ROR2: variants seen among roughly 807,000 people sequenced by gnomAD.
The protein encoded by ROR2 is tyrosine-protein kinase transmembrane receptor ROR2.
In ROR2, 33 loss-of-function variants were observed where a neutral mutation model predicts 74.9. The ratio of observed to expected loss-of-function variants is 0.44; its 90% CI spans 0.33 to 0.59. The LOEUF is 0.59. ROR2 is among the 20% of genes least tolerant of loss of function. The pLI is 0.02. For synonymous variants in ROR2, 586 were observed against 558.7 expected, an observed-to-expected ratio of 1.05 and a Z score of -0.69; for missense variants, 1,216 against 1,313.8, an observed-to-expected ratio of 0.93 and a Z score of 1.15.
Position 91,871,511 on chromosome 9 carries a change from G to A in ROR2, c.97+78356C>T, listed in dbSNP as rs76986920. Among the ~76,000 whole-genome samples the A allele has an allele frequency of 9.6e-3, 1,462 of 152,222 alleles. 27 individuals are homozygous for A. The highest frequency in any genetic ancestry group is 0.032 in the African/African-American group (1,336 of 41,516). ...TTCAATTTCCATTTTAAATTCTTGCGACAGGTTGTATTTTCCAAAGAAGGC... is the reference window on the plus strand; with the variant it reads ...TTCAATTTCCATTTTAAATTCTTGCAACAGGTTGTATTTTCCAAAGAAGGC... On this transcript the variant is annotated intron_variant, in intron 1 of 8. Transcript: ENST00000375708.
chr9:91,853,460 A>G (rs984149275), intron 1 of ROR2, among the ~76,000 whole-genome samples: 5 of 152,130 alleles, frequency 3.3e-5, no homozygotes, highest in African/African-American at 7.2e-5. Context: ...GCCTTTGCAG[A>G]CACAGTACTG....
At chr9:91,848,597 A>G (rs1348435823) in intron 1 of ROR2, among the ~76,000 whole-genome samples, 1 of 152,082 alleles carries the variant, frequency 6.6e-6, no homozygotes, top group African/African-American at 2.4e-5. Flanking sequence ...ACTACTAAAA[A>G]TACAAAATTA....
chr9:91,901,815 A>AG (rs1830684776), intron 1 of ROR2, among the ~76,000 whole-genome samples: 1 of 143,272 alleles, frequency 7.0e-6, no homozygotes, highest in Non-Finnish European at 1.5e-5. Flanking sequence ...AAAAAAAAAA[A>AG]GAGTGCTCTG....
chr9:91,747,357 A>G (rs1409874738), intron 4 of ROR2, among the ~76,000 whole-genome samples: 1 of 152,228 alleles, frequency 6.6e-6, no homozygotes, highest in Non-Finnish European at 1.5e-5. Flanking sequence ...AGTCCCACAC[A>G]TCACAGCGCT....
intron 1 of ROR2, among the ~76,000 whole-genome samples, chr9:91,875,704 GA>G (rs1260083876): frequency 6.6e-6 from 1 of 152,186 alleles, no homozygotes; most frequent in Non-Finnish European, 1.5e-5. Context: ...ACATTCTCTG[GA>G]GGTGAGAGAG....
chr9:91,758,675 G>C (rs2118856693), intron 2 of ROR2, among the ~76,000 whole-genome samples: 1 of 152,308 alleles, frequency 6.6e-6, no homozygotes, highest in South Asian at 2.1e-4. Context: ...ACACTGCCCT[G>C]ATAAGTGGGG....
chr9:91,726,488 T>C (rs1380395824), intron 8 of ROR2, 53 bp downstream of exon 8: 1 of 1,504,568 alleles, frequency 6.6e-7, no homozygotes, highest in Admixed American at 1.7e-5. Context: ...AAACAACCCC[T>C]GAGGATTAAA....
chr9:91,723,896 A>G lies in ROR2; in HGVS notation c.2598T>C (p.Ser866=). ...VPKPSSHHSG[S]GSTSTGYVTT... is the part of the protein sequence containing the mutation. The stretch of plus-strand genomic sequence containing the variant: ...TGACGTAGCCTGTGCTGGTGGAGCC[A>G]CTGCCACTGTGGTGTGAGCTGGGCT... Residue 866 remains serine, a synonymous_variant, in exon 9 of 9, where the codon AGT becomes AGC. Coordinates refer to ENST00000375708, the MANE Select transcript of ROR2 (RefSeq NM_004560.4). 1 of 1,614,020 alleles carries G rather than the reference A, an allele frequency of 6.2e-7. No individual in the cohort carries two copies. Among genetic ancestry groups the G allele is most frequent in the South Asian group, 1.1e-5 (1 of 91,088 alleles).
chr9:91,844,177 A>C (rs528976494), intron 1 of ROR2, among the ~76,000 whole-genome samples: 9 of 152,242 alleles, frequency 5.9e-5, no homozygotes, highest in Non-Finnish European at 1.3e-4. Context: ...GTTCTCCAGC[A>C]AAGTTCCCTA....
intron 1 of ROR2, among the ~76,000 whole-genome samples, chr9:91,841,781 A>G (rs937132158): frequency 3.3e-5 from 5 of 151,958 alleles, no homozygotes; most frequent in African/African-American, 1.2e-4. Flanking sequence ...TTTGCACCAG[A>G]CCTCCCTGCC....
At chr9:91,806,038 C>T (rs1348189096) in intron 1 of ROR2, among the ~76,000 whole-genome samples, 1 of 152,218 alleles carries the variant, frequency 6.6e-6, no homozygotes, top group African/African-American at 2.4e-5. Context: ...AGTACAACTG[C>T]ATACAATGTG....
At chr9:91,849,323 G>A (rs1829027643) in intron 1 of ROR2, among the ~76,000 whole-genome samples, 1 of 152,214 alleles carries the variant, frequency 6.6e-6, no homozygotes, top group Admixed American at 6.5e-5. Flanking sequence ...AAATAAAGGG[G>A]CCCTGTAGGT....
At chr9:91,783,825 G>A (rs558938522) in intron 1 of ROR2, among the ~76,000 whole-genome samples, 203 of 152,174 alleles carry the variant, frequency 1.3e-3, no homozygotes, top group South Asian at 5.6e-3. Context: ...CCCATTCCAC[G>A]CACATCGTGC....
chr9:91,776,518 C>A (rs779970804), intron 1 of ROR2, among the ~76,000 whole-genome samples: 9 of 152,320 alleles, frequency 5.9e-5, no homozygotes, highest in Non-Finnish European at 8.8e-5. Context: ...CATTCTTCCT[C>A]AGGTTAACAG....
chr9:91,937,216 G>A (rs1831723348), intron 1 of ROR2, among the ~76,000 whole-genome samples: 1 of 152,080 alleles, frequency 6.6e-6, no homozygotes, highest in South Asian at 2.1e-4. Flanking sequence ...TGACCCAGAG[G>A]CGCCTGTGGA....
At chr9:91,740,632 A>G (rs1825203800) in intron 4 of ROR2, among the ~76,000 whole-genome samples, 2 of 151,794 alleles carry the variant, frequency 1.3e-5, no homozygotes, top group Non-Finnish European at 2.9e-5. Context: ...GTGCTTGGAA[A>G]ATGGCATCTT....
chr9:91,743,478 G>C (rs1825312795), intron 4 of ROR2, among the ~76,000 whole-genome samples: 1 of 152,068 alleles, frequency 6.6e-6, no homozygotes, highest in African/African-American at 2.4e-5. Context: ...GGCTGAGGCA[G>C]GACAATCGCT....
At chr9:91,802,699 G>A (rs1827427072) in intron 1 of ROR2, among the ~76,000 whole-genome samples, 1 of 152,124 alleles carries the variant, frequency 6.6e-6, no homozygotes, top group African/African-American at 2.4e-5. Context: ...AAGGGAAACG[G>A]ACTGAATCCA....
At position 91,748,704 on chromosome 9, in the gene ROR2, G is replaced by A. The variant is rs536292918; in HGVS notation, c.494+7367C>T. The stretch of plus-strand genomic sequence containing the variant: ...GAAACATACTTAAGAAAGATATGCC[G>A]GGTCGTCATGGAGAAAATTATAAAA... On this transcript the variant is annotated intron_variant, in intron 4 of 8. Transcript: ENST00000375708. 1.4e-4 allele frequency among the ~76,000 whole-genome samples: 22 copies of A among 152,250 alleles called. No homozygotes were observed. The South Asian group carries it at 3.1e-3, about 22-fold the overall frequency.
Sources: allele counts gnomAD v4.1 joint callset (sites outside exome capture counted in the v4.1 genomes callset), GRCh38; gene constraint gnomAD v4.1.1; transcripts MANE v1.5; gene names NCBI Gene and HGNC (gene_info 2026-07-23, HGNC 2026-07-21).